The following CPNE4 variants were observed in gnomAD, a reference collection of about 807,000 sequenced individuals.
CPNE4 encodes the protein copine-4.
A neutral mutation model predicts 67.9 loss-of-function variants in CPNE4; 25 were observed. The observed-to-expected ratio is 0.37, with a 90% CI of 0.27 to 0.51. The LOEUF is 0.51. Ranked by LOEUF, CPNE4 falls within the 20% of genes least tolerant of loss-of-function variation. The pLI is 0.93. For missense variants in CPNE4, 464 were observed against 690.8 expected (o/e 0.67, Z 3.68); for synonymous variants, 242 against 244.9 (o/e 0.99, Z 0.11).
intron 2 of CPNE4, among the ~76,000 whole-genome samples, chr3:131,816,550 C>G (rs1166698087): frequency 6.6e-6 from 1 of 152,136 alleles, no homozygotes; most frequent in Non-Finnish European, 1.5e-5. Context: ...ATCCCCACCA[C>G]TTTTAGGATT....
chr3:131,812,970 A>G (rs1386583128), intron 2 of CPNE4, among the ~76,000 whole-genome samples: 2 of 152,226 alleles, frequency 1.3e-5, no homozygotes, highest in Non-Finnish European at 2.9e-5. Context: ...TTTTAAATCA[A>G]TGAATAAGGA....
At chr3:131,984,422 T>C (rs2072992041) in intron 1 of CPNE4, among the ~76,000 whole-genome samples, 2 of 152,212 alleles carry the variant, frequency 1.3e-5, no homozygotes, top group African/African-American at 4.8e-5. Flanking sequence ...ATGAGATATT[T>C]GTAAATATTA....
intron 1 of CPNE4, among the ~76,000 whole-genome samples, chr3:131,965,544 T>C (rs1255765644): frequency 6.6e-6 from 1 of 150,762 alleles, no homozygotes; most frequent in Non-Finnish European, 1.5e-5. Context: ...ACTAAGCAAA[T>C]GGAAAACAAA....
intron 2 of CPNE4, among the ~76,000 whole-genome samples, chr3:131,887,383 A>C (rs1159141908): frequency 1.3e-5 from 2 of 152,188 alleles, no homozygotes; most frequent in African/African-American, 2.4e-5. Context: ...TAAATTGCCC[A>C]GTCTCAGGTA....
intron 2 of CPNE4, among the ~76,000 whole-genome samples, chr3:131,753,555 A>G (rs950741473): frequency 4.6e-5 from 7 of 152,176 alleles, no homozygotes; most frequent in Non-Finnish European, 8.8e-5. Flanking sequence ...CCAATAATGT[A>G]TAATAAAATG....
intron 7 of CPNE4, among the ~76,000 whole-genome samples, chr3:131,651,945 C>T (rs964680705): frequency 6.6e-6 from 1 of 152,126 alleles, no homozygotes; most frequent in Non-Finnish European, 1.5e-5. Context: ...CTAAGGAGTC[C>T]TGGGCTTCAA....
chr3:132,036,802 A>ATATT (rs2074347215), upstream of CPNE4, among the ~76,000 whole-genome samples: 1 of 152,204 alleles, frequency 6.6e-6, no homozygotes, highest in Non-Finnish European at 1.5e-5. Flanking sequence ...AATAATATAA[A>ATATT]TACCTTAGGG....
In CPNE4 at chr3:131,952,569, T is replaced by TG. The variant is rs555766375; in HGVS notation, c.-1-47126dup. On this transcript the variant is annotated intron_variant, in intron 1 of 15. Coordinates refer to ENST00000429747, the MANE Select transcript of CPNE4 (RefSeq NM_130808.3). ...CCAGCCACCCCATCCGGGAGGGAGG[T>TG]GGGGGGGTCAGCACCCCGCCCGGCC... Among the ~76,000 whole-genome samples the TG allele has an allele frequency of 8.9e-5, 7 of 78,502 alleles. No homozygotes were observed. The South Asian group carries it at 1.2e-3, about 13-fold the overall frequency. 51.5% of individuals were successfully genotyped at this position (78,502 alleles called of 152,430 possible). A position where few individuals can be genotyped will look rare whatever the true frequency, so the allele number is the denominator to read the frequency against.
intron 2 of CPNE4, among the ~76,000 whole-genome samples, chr3:131,754,633 G>C (rs1399546422): frequency 1.3e-5 from 2 of 152,092 alleles, no homozygotes; most frequent in Non-Finnish European, 2.9e-5. Flanking sequence ...TACATTTAGG[G>C]ACCATGTTGT....
intron 11 of CPNE4, among the ~76,000 whole-genome samples, chr3:131,556,286 G>A (rs1011864023): frequency 2.6e-5 from 4 of 152,036 alleles, no homozygotes; most frequent in Non-Finnish European, 4.4e-5. Flanking sequence ...AGGCATAAGA[G>A]AATTGCTTGA....
intron 1 of CPNE4, among the ~76,000 whole-genome samples, chr3:131,909,128 G>A (rs2088881130): frequency 6.6e-6 from 1 of 152,084 alleles, no homozygotes. Flanking sequence ...CCATCTAAGA[G>A]CACACACTCA....
At chr3:131,820,389 A>G (rs1026748) in intron 2 of CPNE4, among the ~76,000 whole-genome samples, 152,262 of 152,266 alleles carry the variant, frequency 1, 76,129 homozygotes, top group Non-Finnish European at 1. Flanking sequence ...ATCACACCTT[A>G]ATCCAACAGC....
chr3:131,961,944 T>C (rs1222224121), intron 1 of CPNE4, among the ~76,000 whole-genome samples: 1 of 152,220 alleles, frequency 6.6e-6, no homozygotes, highest in Non-Finnish European at 1.5e-5. Context: ...TCCAAACGTT[T>C]CTCAACGTTA....
chr3:131,735,381 A>G (rs2082212198), intron 2 of CPNE4, among the ~76,000 whole-genome samples: 2 of 152,226 alleles, frequency 1.3e-5, no homozygotes, highest in South Asian at 4.1e-4. Context: ...CATTTCCTGA[A>G]GCATGTTTCA....
chr3:131,858,315 C>A (rs1333080899), intron 2 of CPNE4, among the ~76,000 whole-genome samples: 1 of 152,056 alleles, frequency 6.6e-6, no homozygotes, highest in South Asian at 2.1e-4. Flanking sequence ...TTGGTTTTCT[C>A]CTTTTGTATT....
At chr3:132,001,619 A>AAAG (rs1583582298) in intron 1 of CPNE4, among the ~76,000 whole-genome samples, 1 of 133,606 alleles carries the variant, frequency 7.5e-6, no homozygotes, top group Non-Finnish European at 1.7e-5. Flanking sequence ...AAGAAAGAAA[A>AAAG]TGAAGAGGAA....
intron 9 of CPNE4, 99 bp downstream of exon 9, chr3:131,581,480 C>T: frequency 1.3e-6 from 1 of 780,040 alleles, no homozygotes; most frequent in Admixed American, 2.3e-5. Context: ...TAAAAGATCA[C>T]ATCTTTTTGA....
At chr3:131,577,529 C>A (rs538003251) in intron 9 of CPNE4, among the ~76,000 whole-genome samples, 1 of 152,182 alleles carries the variant, frequency 6.6e-6, no homozygotes, top group South Asian at 2.1e-4. Flanking sequence ...AACTGTAACA[C>A]AACTGTAAGT....
chr3:131,864,172 T>C (rs953456721), intron 2 of CPNE4, among the ~76,000 whole-genome samples: 2 of 151,290 alleles, frequency 1.3e-5, no homozygotes, highest in Admixed American at 1.3e-4. Flanking sequence ...TGGCTTAGGC[T>C]TGACTTGGCA....
Sources: allele counts gnomAD v4.1 joint callset (sites outside exome capture counted in the v4.1 genomes callset), GRCh38; gene constraint gnomAD v4.1.1; transcripts MANE v1.5; gene names NCBI Gene and HGNC (gene_info 2026-07-23, HGNC 2026-07-21).